KDM3A: variants seen among roughly 807,000 people sequenced by gnomAD.
KDM3A encodes lysine-specific demethylase 3A.
A neutral mutation model predicts 158.0 loss-of-function variants in KDM3A; 60 were observed. The observed-to-expected ratio is 0.38, with a 90% CI of 0.31 to 0.47. The LOEUF is 0.47. Ranked by LOEUF, KDM3A falls within the 20% of genes least tolerant of loss-of-function variation. The pLI is 0.99. For synonymous variants in KDM3A, 608 were observed against 549.3 expected, an observed-to-expected ratio of 1.11 and a Z score of -1.49; for missense variants, 1,319 against 1,574.3, an observed-to-expected ratio of 0.84 and a Z score of 2.74.
intron 2 of KDM3A, among the ~76,000 whole-genome samples, chr2:86,442,900 G>C (rs1310111742): frequency 2.0e-5 from 3 of 152,108 alleles, no homozygotes; most frequent in Non-Finnish European, 4.4e-5. Context: ...ACTGCACTTG[G>C]ACGCATGAGG....
In KDM3A at chr2:86,462,962, A is replaced by G. The variant is rs541769111; in HGVS notation, c.844-1091A>G. Among the ~76,000 whole-genome samples, 7 of 152,224 alleles carry G rather than the reference A, an allele frequency of 4.6e-5. No individual in the cohort carries two copies. In the East Asian group the frequency reaches 1.4e-3, roughly 29 times the overall value. ...AAAAACTAGCCGAGCATGGTGGTAC[A>G]TGCCTGTAATCCCAGCTACTCGGGA... is the stretch of plus-strand genomic sequence containing the variant. On this transcript the variant is annotated intron_variant, in intron 8 of 25. Transcript: ENST00000312912.
chr2:86,452,864 A>G (rs1374017410), intron 4 of KDM3A, among the ~76,000 whole-genome samples: 1 of 152,186 alleles, frequency 6.6e-6, no homozygotes, highest in Non-Finnish European at 1.5e-5. Flanking sequence ...ATGTTTAAGT[A>G]ATGGAACAGA....
upstream of KDM3A, among the ~76,000 whole-genome samples, chr2:86,438,664 TA>T (rs1447285964): frequency 2.0e-5 from 3 of 152,188 alleles, no homozygotes; most frequent in African/African-American, 7.2e-5. Context: ...AAAAAAAGTG[TA>T]TTTATAAAAA....
intron 2 of KDM3A, among the ~76,000 whole-genome samples, chr2:86,448,614 GT>G (rs1683046675): frequency 1.3e-5 from 2 of 152,124 alleles, no homozygotes; most frequent in Admixed American, 6.5e-5. Flanking sequence ...GGGAAGGTTT[GT>G]TTGAGGAAAG....
intron 11 of KDM3A, among the ~76,000 whole-genome samples, chr2:86,470,863 G>A (rs931246491): frequency 1.3e-5 from 2 of 152,130 alleles, no homozygotes; most frequent in African/African-American, 4.8e-5. Flanking sequence ...TTCTGTGTAA[G>A]AGCACATTAT....
chr2:86,476,616 C>G (rs916235138), intron 12 of KDM3A, among the ~76,000 whole-genome samples: 6 of 152,182 alleles, frequency 3.9e-5, no homozygotes, highest in African/African-American at 1.2e-4. Flanking sequence ...TCTGTCCTTT[C>G]AGTGACAAAT....
chr2:86,466,559 C>G lies in KDM3A; in HGVS notation c.1195C>G (p.Gln399Glu), dbSNP rs774967658. 6.2e-7 allele frequency: 1 copy of G among 1,613,968 alleles called. No homozygotes were observed. Among genetic ancestry groups the G allele is most frequent in the Non-Finnish European group, 8.5e-7 (1 of 1,179,882 alleles). ...TACTCAGCCTAAGACAAACACTGAT[C>G]AGGAAAACAGATTGGAGTCTGTTCC... ...SCTQPKTNTD[Q>E]ENRLESVPQA... Residue 399 changes from glutamine to glutamate, a missense_variant, in exon 10 of 26, where the codon CAG becomes GAG. This residue lies in a region of KDM3A where 652 missense variants were observed against 627.2 expected (regional missense o/e 1.04). Coordinates refer to ENST00000312912, the MANE Select transcript of KDM3A (RefSeq NM_018433.6).
intron 8 of KDM3A, among the ~76,000 whole-genome samples, chr2:86,458,357 G>A (rs1238524889): frequency 2.0e-5 from 3 of 152,182 alleles, no homozygotes; most frequent in Non-Finnish European, 4.4e-5. Flanking sequence ...AAGGGTATAG[G>A]CTTTGACCTC....
intron 25 of KDM3A, 92 bp downstream of exon 25, chr2:86,491,367 CCATATCGTACTTAGTA>C (rs1455453595): frequency 9.1e-6 from 12 of 1,315,542 alleles, no homozygotes; most frequent in African/African-American, 2.9e-5. Flanking sequence ...GTGAACTTGG[CCATATCGTACTTAGTA>C]CACAGTGAGT....
intron 8 of KDM3A, among the ~76,000 whole-genome samples, chr2:86,463,157 A>T (rs975060573): frequency 6.6e-5 from 10 of 152,208 alleles, no homozygotes; most frequent in Admixed American, 6.5e-4. Flanking sequence ...GTTAATGACT[A>T]GAAGATGAAG....
At chr2:86,440,060 A>C (rs1682605568), upstream of KDM3A, among the ~76,000 whole-genome samples, 1 of 152,044 alleles carries the variant, frequency 6.6e-6, no homozygotes, top group Non-Finnish European at 1.5e-5. Context: ...CATTTTTACC[A>C]TATGTTCTGG....
intron 4 of KDM3A, among the ~76,000 whole-genome samples, chr2:86,452,978 C>G (rs1672530722): frequency 6.6e-6 from 1 of 152,132 alleles, no homozygotes; most frequent in African/African-American, 2.4e-5. Flanking sequence ...TTGCAGGGAT[C>G]AAATAACATA....
At chr2:86,461,088 G>A (rs1349918769) in intron 8 of KDM3A, among the ~76,000 whole-genome samples, 1 of 152,062 alleles carries the variant, frequency 6.6e-6, no homozygotes, top group Non-Finnish European at 1.5e-5. Context: ...TCAGCGCCAG[G>A]CACTATGGTA....
chr2:86,440,314 G>A (rs1682624878), upstream of KDM3A, among the ~76,000 whole-genome samples: 3 of 152,204 alleles, frequency 2.0e-5, no homozygotes, highest in South Asian at 6.2e-4. Flanking sequence ...ACGTTTCCAC[G>A]CTTGTAAAAT....
chr2:86,438,314 C>T (rs1294689232), upstream of KDM3A, among the ~76,000 whole-genome samples: 1 of 151,992 alleles, frequency 6.6e-6, no homozygotes, highest in African/African-American at 2.4e-5. Context: ...CATGTGAGTA[C>T]ATTTACCTTA....
At chr2:86,439,706 A>G (rs1682579928), upstream of KDM3A, among the ~76,000 whole-genome samples, 2 of 152,080 alleles carry the variant, frequency 1.3e-5, 1 homozygote, top group South Asian at 4.1e-4. Flanking sequence ...AATTTGTAAA[A>G]TTTCTCATCG....
chr2:86,454,414 C>T (rs551892110), intron 4 of KDM3A, among the ~76,000 whole-genome samples: 4 of 152,232 alleles, frequency 2.6e-5, no homozygotes, highest in South Asian at 2.1e-4. Flanking sequence ...AAAAGGGCTG[C>T]CCATTATCAG....
intron 4 of KDM3A, 112 bp downstream of exon 4, chr2:86,451,325 C>T (rs1672459344): frequency 8.3e-6 from 5 of 600,222 alleles, no homozygotes; most frequent in South Asian, 7.6e-5. Context: ...GATGCCTACT[C>T]CTTGCACAGT....
At chr2:86,448,423 T>G (rs183194173) in intron 2 of KDM3A, among the ~76,000 whole-genome samples, 20 of 152,360 alleles carry the variant, frequency 1.3e-4, no homozygotes, top group Non-Finnish European at 2.5e-4. Flanking sequence ...AGATTCCATA[T>G]ACTAGTGATA....
Sources: allele counts gnomAD v4.1 joint callset (sites outside exome capture counted in the v4.1 genomes callset), GRCh38; gene constraint gnomAD v4.1.1; regional missense constraint gnomAD v4.1.1; transcripts MANE v1.5; gene names NCBI Gene and HGNC (gene_info 2026-07-23, HGNC 2026-07-21).